The following AP3D1 variants were observed in gnomAD, a reference collection of about 807,000 sequenced individuals.
AP3D1 encodes adaptor related protein complex 3 subunit delta 1.
In AP3D1, 51 loss-of-function variants were observed where a neutral mutation model predicts 147.6. That is an observed-to-expected ratio of 0.35 (90% CI 0.28 to 0.44). The LOEUF (loss-of-function observed/expected upper bound fraction) is 0.44, where lower values mean the gene tolerates loss of function less well. AP3D1 is among the 20% of genes least tolerant of loss of function. The pLI, the probability that AP3D1 is intolerant of heterozygous loss-of-function variation, is 1.00. For synonymous variants in AP3D1, 760 were observed against 663.0 expected, an observed-to-expected ratio of 1.15 and a Z score of -2.25; for missense variants, 1,421 against 1,624.2, an observed-to-expected ratio of 0.87 and a Z score of 2.15.
intron 21 of AP3D1, 83 bp downstream of exon 21, chr19:2,114,665 G>T (rs1023094395): frequency 4.6e-6 from 2 of 438,034 alleles, no homozygotes; most frequent in Non-Finnish European, 4.3e-6. Context: ...TGCAGAGCCC[G>T]GCCCCACCCG....
At chr19:2,117,183 AG>A (rs1396154778) in intron 16 of AP3D1, 38 bp downstream of exon 16, 30 of 1,550,442 alleles carry the variant, frequency 1.9e-5, no homozygotes, top group Non-Finnish European at 2.6e-5. Flanking sequence ...GGACCATGTC[AG>A]GGCCATGGTT....
intron 1 of AP3D1, chr19:2,164,224 G>A: frequency 7.8e-7 from 1 of 1,289,046 alleles, no homozygotes; most frequent in Admixed American, 3.3e-5. Context: ...GTCGCCCGTG[G>A]GGGCTGAGCC....
chr19:2,140,720 A>G (rs1195158602), intron 1 of AP3D1, among the ~76,000 whole-genome samples: 1 of 149,886 alleles, frequency 6.7e-6, no homozygotes, highest in Admixed American at 6.7e-5. Context: ...ATAAAGTCCA[A>G]GTAGCTCCTC....
rs1408589493 is a variant in AP3D1 at position 2,111,763 on chromosome 19, C to T, written c.2853G>A (p.Lys951=). The change falls in exon 25 of 32, where the codon AAG becomes AAA. Residue 951 remains lysine, a synonymous_variant. Transcript: ENST00000643116. The part of the protein sequence containing the change: ...KEKEERTKGK[K]KSKKQPPGSE... The stretch of plus-strand genomic sequence containing the variant: ...TGCCTGGAGGCTGCTTCTTGGACTT[C>T]TTCTTGCCTTTGGTCCGCTCCTCCT... The T allele has an allele frequency of 6.2e-7, 1 of 1,612,294 alleles. No individual in the cohort carries two copies. Among genetic ancestry groups the T allele is most frequent in the Admixed American group, 1.7e-5 (1 of 59,772 alleles).
intron 4 of AP3D1, among the ~76,000 whole-genome samples, chr19:2,134,868 T>C (rs532329356): frequency 6.6e-6 from 1 of 150,732 alleles, no homozygotes; most frequent in South Asian, 2.2e-4. Flanking sequence ...CCCAAAATGC[T>C]GGGATTACAG....
chr19:2,102,655 G>A lies in AP3D1; in HGVS notation c.3553-387C>T, dbSNP rs375013757. Among the ~76,000 whole-genome samples, 66 of 151,988 alleles carry A rather than the reference G, an allele frequency of 4.3e-4. No individual in the cohort carries two copies. The East Asian group carries it at 7.0e-3, about 16-fold the overall frequency. The stretch of plus-strand genomic sequence containing the variant: ...AGGCAGGAGAATGGCGTGAACCCGG[G>A]AGGTGGACCTTGCAGTGAGCCGAGA... On this transcript the variant is annotated intron_variant, in intron 31 of 31. Transcript: ENST00000643116.
At position 2,144,682 on chromosome 19, in the gene AP3D1, C is replaced by G. The variant is rs144435307; in HGVS notation, c.97-5968G>C. ...CAGCACTTTGGGAGGCCGAGCAGAT[C>G]ACTTGAGGTCAGGGGTTTGAGACCA... On this transcript the variant is annotated intron_variant, in intron 1 of 31. Transcript: ENST00000643116. Among the ~76,000 whole-genome samples the G allele has an allele frequency of 2.3e-3, 344 of 152,276 alleles. 1 individual carries two copies. The highest frequency in any genetic ancestry group is 3.9e-3 in the East Asian group (20 of 5,178).
intron 14 of AP3D1, among the ~76,000 whole-genome samples, chr19:2,119,690 ACT>A (rs796463430): frequency 4.2e-4 from 43 of 102,274 alleles, no homozygotes; most frequent in African/African-American, 1.5e-3. Context: ...ATAGAGCAAG[ACT>A]CTGTCTCAAA....
At chr19:2,118,929 G>A (rs1599457485) in intron 14 of AP3D1, 97 bp from the exon 15 acceptor site, 2 of 1,146,604 alleles carry the variant, frequency 1.7e-6, no homozygotes, top group Middle Eastern at 2.0e-4. Flanking sequence ...TCACCAACAA[G>A]GTGACTCTGG....
At chr19:2,130,864 C>G (rs1447820321) in intron 5 of AP3D1, among the ~76,000 whole-genome samples, 1 of 152,256 alleles carries the variant, frequency 6.6e-6, no homozygotes, top group African/African-American at 2.4e-5. Context: ...TACAGCCCAG[C>G]TCCTCACGGC....
chr19:2,119,216 T>C (rs1273332418), intron 14 of AP3D1, among the ~76,000 whole-genome samples: 1 of 152,162 alleles, frequency 6.6e-6, no homozygotes, highest in Non-Finnish European at 1.5e-5. Context: ...TCTGACACAA[T>C]GCCTTGGGAC....
intron 14 of AP3D1, 99 bp downstream of exon 14, chr19:2,120,763 G>A (rs528315645): frequency 1.1e-5 from 14 of 1,240,966 alleles, no homozygotes; most frequent in East Asian, 4.8e-5. Flanking sequence ...GTGGCAGGGC[G>A]ATGGGAGACG....
rs544208569 is a variant in AP3D1 at position 2,114,597 on chromosome 19, G to A, written c.2423+151C>T. The stretch of plus-strand genomic sequence containing the variant: ...GTTGGGAGGGCCAGCCAAGAGCAGT[G>A]CAGTGAGGACGTGGTCTGGGGAAGG... On this transcript the variant is annotated intron_variant, in intron 21 of 31. Transcript: ENST00000643116. The A allele has an allele frequency of 9.5e-5, 67 of 705,600 alleles. 1 individual carries two copies. The East Asian group carries it at 1.7e-3, about 18-fold the overall frequency. 43.7% of individuals were successfully genotyped at this position (705,600 alleles called of 1,614,324 possible).
In AP3D1 at chr19:2,129,095, G is replaced by C; in HGVS notation, c.801C>G (p.Ile267Met). 1 of 1,585,988 alleles carries C rather than the reference G, an allele frequency of 6.3e-7. No individual in the cohort carries two copies. Among genetic ancestry groups the C allele is most frequent in the Non-Finnish European group, 8.6e-7 (1 of 1,167,052 alleles). The change falls in exon 8 of 32, where the codon ATC becomes ATG. Residue 267 changes from isoleucine to methionine, a missense_variant. Ile to Met is a conservative substitution (Grantham distance 10). Transcript: ENST00000643116. The part of the protein sequence containing the change: ...KKLIEPLTNL[I>M]HSTSAMSLLY... ...CGCGCATGGCCTGCACTCACCTGTG[G>C]ATGAGATTGGTGAGGGGCTCGATCA...
chr19:2,122,101 G>T (rs1030452242), intron 11 of AP3D1, among the ~76,000 whole-genome samples: 1 of 152,146 alleles, frequency 6.6e-6, no homozygotes, highest in African/African-American at 2.4e-5. Context: ...CCCCCATGCC[G>T]GCTCCCTCAG....
chr19:2,137,513 A>G (rs560763904), intron 3 of AP3D1, among the ~76,000 whole-genome samples: 9 of 152,134 alleles, frequency 5.9e-5, no homozygotes, highest in African/African-American at 1.7e-4. Flanking sequence ...ATGGGGTTTC[A>G]CCATGTTGGC....
At chr19:2,121,914 G>C in intron 11 of AP3D1, 35 bp from the exon 12 acceptor site, 1 of 1,580,560 alleles carries the variant, frequency 6.3e-7, no homozygotes, top group South Asian at 1.2e-5. Flanking sequence ...TCACTGGGAC[G>C]GACACAGGCA....
intron 5 of AP3D1, among the ~76,000 whole-genome samples, chr19:2,131,675 C>CAG (rs2018950724): frequency 1.2e-5 from 1 of 86,498 alleles, no homozygotes; most frequent in Non-Finnish European, 2.7e-5. Flanking sequence ...CACGCGGGGA[C>CAG]TGCGCCCATC....
chr19:2,134,866 G>C (rs1325017513), intron 4 of AP3D1, among the ~76,000 whole-genome samples: 1 of 149,436 alleles, frequency 6.7e-6, no homozygotes, highest in Admixed American at 6.7e-5. Flanking sequence ...TTCCCAAAAT[G>C]CTGGGATTAC....
Sources: gnomAD v4.1 joint callset for allele counts (sites outside exome capture counted in the v4.1 genomes callset) on GRCh38, gnomAD v4.1.1 for gene constraint, MANE v1.5 for transcripts, NCBI Gene and HGNC (gene_info 2026-07-23, HGNC 2026-07-21) for gene names.